The following HSD11B1L variants were observed in gnomAD, a reference collection of about 807,000 sequenced individuals.
HSD11B1L encodes the protein hydroxysteroid 11-beta dehydrogenase 1 like.
A neutral mutation model predicts 27.0 loss-of-function variants in HSD11B1L; 22 were observed. The observed-to-expected ratio is 0.81, with a 90% CI of 0.58 to 1.16. The LOEUF (loss-of-function observed/expected upper bound fraction) is 1.16, where lower values mean the gene tolerates loss of function less well. Ranked by LOEUF, HSD11B1L falls within the 50% of genes most tolerant of loss-of-function variation. HSD11B1L has a pLI of 0.00. For synonymous variants in HSD11B1L, 187 were observed against 189.2 expected (o/e 0.99, Z 0.09); for missense variants, 372 against 401.8 (o/e 0.93, Z 0.63).
chr19:5,687,349 C>T lies in HSD11B1L; in HGVS notation c.476C>T (p.Ser159Phe). The T allele has an allele frequency of 6.2e-7, 1 of 1,612,734 alleles. No individual in the cohort carries two copies. The highest frequency in any genetic ancestry group is 8.5e-7 in the Non-Finnish European group (1 of 1,179,752). Residue 159 changes from serine (S) to phenylalanine (F), a missense_variant, in exon 6 of 8, where the codon TCC becomes TTC. Coordinates refer to ENST00000339423, the MANE Select transcript of HSD11B1L (RefSeq NM_198706.3). This position sits in a 1 kb window ranked among gnomAD's most constrained non-coding sequence, Gnocchi z 6.6. The part of the protein sequence containing the change: ...ALPSLTDSKG[S>F]LVVVSSLLGR... The stretch of plus-strand genomic sequence containing the variant: ...CCCAGCCTGACGGACAGCAAGGGCT[C>T]CCTGGTGGTGGTGTCCTCGCTGCTC...
At chr19:5,684,764 G>A (rs35832694) in intron 1 of HSD11B1L, 55 bp from the exon 2 acceptor site, 505,799 of 1,608,934 alleles carry the variant, frequency 0.31, 82,301 homozygotes, top group Non-Finnish European at 0.34. Flanking sequence ...CACCAAACAC[G>A]GGTGGCTGTG....
chr19:5,688,501 T>G lies in HSD11B1L; in HGVS notation c.*556T>G. ...CTGGACCCAGCCTCTTGTTCGAGAA[T>G]AAAAACTCTTCTTCTCTTGCATATC... is the stretch of plus-strand genomic sequence containing the variant. On this transcript the variant is annotated 3_prime_UTR_variant, in exon 8 of 8. Transcript: ENST00000339423. The G allele has an allele frequency of 3.1e-6, 1 of 323,744 alleles. No individual in the cohort carries two copies. Among genetic ancestry groups the G allele is most frequent in the Non-Finnish European group, 5.7e-6 (1 of 176,224 alleles). 20.1% of individuals were successfully genotyped at this position (323,744 alleles called of 1,614,324 possible). A position where few individuals can be genotyped will look rare whatever the true frequency, so the allele number is the denominator to read the frequency against.
At chr19:5,684,605 G>A (rs994274309) in intron 1 of HSD11B1L, among the ~76,000 whole-genome samples, 5 of 152,182 alleles carry the variant, frequency 3.3e-5, no homozygotes, top group Non-Finnish European at 1.5e-5. Context: ...CAGATGGAGA[G>A]GGCTGAGAAG....
rs1020830291 is a variant in HSD11B1L at position 5,686,409 on chromosome 19, C to A, written c.205-7C>A. 1 of 1,556,864 alleles carries A rather than the reference C, an allele frequency of 6.4e-7. No homozygotes were observed. The highest frequency in any genetic ancestry group is 2.3e-5 in the East Asian group (1 of 42,694). Reference sequence around the variant, plus strand: ...AGAGGCCCACGGGCAGCTCTGGCCCCCCCCAGGTGGTAGGGAACTGCCGGA... The same window carrying A: ...AGAGGCCCACGGGCAGCTCTGGCCCACCCCAGGTGGTAGGGAACTGCCGGA... On this transcript the variant is annotated splice_polypyrimidine_tract_variant and splice_region_variant and intron_variant, in intron 3 of 7. Coordinates refer to ENST00000339423, the MANE Select transcript of HSD11B1L (RefSeq NM_198706.3).
intron 1 of HSD11B1L, among the ~76,000 whole-genome samples, chr19:5,683,350 C>A (rs1258312305): frequency 5.3e-5 from 8 of 152,126 alleles, no homozygotes; most frequent in Non-Finnish European, 1.2e-4. Flanking sequence ...CCAACCCAGC[C>A]CCATGTGTCA....
At chr19:5,684,798 C>G in intron 1 of HSD11B1L, 21 bp from the exon 2 acceptor site, 1 of 1,613,320 alleles carries the variant, frequency 6.2e-7, no homozygotes, top group South Asian at 1.1e-5. Flanking sequence ...CCGGCCACCT[C>G]TGTCCCCTGT....
Position 5,686,421 on chromosome 19 carries a change from A to G in HSD11B1L, c.210A>G (p.Val70=), listed in dbSNP as rs781519298. The G allele has an allele frequency of 6.4e-7, 1 of 1,569,328 alleles. No individual in the cohort carries two copies. Among genetic ancestry groups the G allele is most frequent in the Non-Finnish European group, 8.6e-7 (1 of 1,157,968 alleles). The part of the protein sequence containing the change: ...AHTEALLQKV[V]GNCRKLGAPK... ...GCAGCTCTGGCCCCCCCCAGGTGGTAGGGAACTGCCGGAAGCTGGGCGCCC... is the reference window on the plus strand; with the variant it reads ...GCAGCTCTGGCCCCCCCCAGGTGGTGGGGAACTGCCGGAAGCTGGGCGCCC... The change falls in exon 4 of 8, where the codon GTA becomes GTG. Residue 70 remains valine, a synonymous_variant. Coordinates refer to ENST00000339423, the MANE Select transcript of HSD11B1L (RefSeq NM_198706.3).
At chr19:5,682,180 A>G (rs1210716747) in intron 1 of HSD11B1L, among the ~76,000 whole-genome samples, 1 of 152,182 alleles carries the variant, frequency 6.6e-6, no homozygotes. Context: ...GGTTTCCATC[A>G]GTTGCAGTGG....
Position 5,688,193 on chromosome 19 carries a change from TGATGACG to T in HSD11B1L, c.*249_*255del. 1 of 1,546,846 alleles carries T rather than the reference TGATGACG, an allele frequency of 6.5e-7. No individual in the cohort carries two copies. Among genetic ancestry groups the T allele is most frequent in the Non-Finnish European group, 8.7e-7 (1 of 1,145,554 alleles). ...AAGGCCTCACCTGTTTGGCCATGAT[TGATGACG>T]TGACTGCTTCCATTTTGCAGATGAG... On this transcript the variant is annotated 3_prime_UTR_variant, in exon 8 of 8. Transcript: ENST00000339423.
rs752901141 is a variant in HSD11B1L, at chr19:5,686,411, C to A, written c.205-5C>A. ...AGGCCCACGGGCAGCTCTGGCCCCC[C>A]CCAGGTGGTAGGGAACTGCCGGAAG... On this transcript the variant is annotated splice_polypyrimidine_tract_variant and splice_region_variant and intron_variant, in intron 3 of 7. Transcript: ENST00000339423. 1.7e-5 allele frequency: 27 copies of A among 1,557,654 alleles called. No individual in the cohort carries two copies. Among genetic ancestry groups the A allele is most frequent in the Non-Finnish European group, 2.3e-5 (26 of 1,150,342 alleles).
chr19:5,683,905 A>T (rs753690514), intron 1 of HSD11B1L: 55 of 290,628 alleles, frequency 1.9e-4, no homozygotes, highest in Non-Finnish European at 2.9e-4. Flanking sequence ...AAAATAAAAA[A>T]AAATAAAAAT....
intron 3 of HSD11B1L, 51 bp from the exon 4 acceptor site, chr19:5,686,365 G>T: frequency 1.6e-6 from 2 of 1,274,758 alleles, no homozygotes; most frequent in Non-Finnish European, 2.2e-6. Context: ...CGGTGGAGGG[G>T]GAAGCGCTGC....
In HSD11B1L at chr19:5,687,929, C is replaced by G; in HGVS notation, c.845C>G (p.Thr282Arg). The change falls in exon 8 of 8, where the codon ACG (threonine) becomes AGG (arginine). Residue 282 changes from threonine to arginine, a missense_variant. By Grantham distance (71) the Thr-to-Arg change is moderately conservative. Coordinates refer to ENST00000339423, the MANE Select transcript of HSD11B1L (RefSeq NM_198706.3). This position sits in a 1 kb window ranked among gnomAD's most constrained non-coding sequence, Gnocchi z 6.6. ...TTTATCCGCCAGGAGCTCAACGTCA[C>G]GGCCGCGGCAGCCTGAGCACCGGGG... ...AWFIRQELNV[T>R]AAAA The G allele has an allele frequency of 2.6e-6, 4 of 1,564,068 alleles. No individual in the cohort carries two copies. Among genetic ancestry groups the G allele is most frequent in the Non-Finnish European group, 2.6e-6 (3 of 1,153,800 alleles).
intron 1 of HSD11B1L, among the ~76,000 whole-genome samples, chr19:5,682,105 G>A (rs1221308771): frequency 6.6e-6 from 1 of 152,240 alleles, no homozygotes; most frequent in Non-Finnish European, 1.5e-5. Flanking sequence ...GGCCGTGGGA[G>A]AGAAGGATAG....
rs190513926 is a variant in HSD11B1L, at chr19:5,686,681, C to T, written c.316+154C>T. 1.4e-3 allele frequency among the ~76,000 whole-genome samples: 218 copies of T among 152,200 alleles called. 1 individual carries two copies. The highest frequency in any genetic ancestry group is 5.1e-3 in the African/African-American group (211 of 41,530). On this transcript the variant is annotated intron_variant, in intron 4 of 7. Coordinates refer to ENST00000339423, the MANE Select transcript of HSD11B1L (RefSeq NM_198706.3). ...GCGTGGGCGGGGTGGAGTCTCATTGCGTCTGGGGGAAGAGCTCTGAACGGG... is the reference window on the plus strand; with the variant it reads ...GCGTGGGCGGGGTGGAGTCTCATTGTGTCTGGGGGAAGAGCTCTGAACGGG...
At position 5,687,232 on chromosome 19, in the gene HSD11B1L, C is replaced by CCT. The variant is rs776560475; in HGVS notation, c.409-49_409-48dup. On this transcript the variant is annotated intron_variant, in intron 5 of 7. Coordinates refer to ENST00000339423, the MANE Select transcript of HSD11B1L (RefSeq NM_198706.3). The surrounding 1 kb of genome is among the most constrained non-coding windows in gnomAD (Gnocchi z 6.6). ...CCGCCCTCTGGGTTTCTGGCCCCGC[C>CCT]CTGCCCCTGGGCTCCGCCTCTGCCG... 12 of 1,590,974 alleles carry CCT rather than the reference C, an allele frequency of 7.5e-6. No individual in the cohort carries two copies. In the African/African-American group the frequency reaches 1.6e-4, roughly 21 times the overall value.
rs1233731241 is a variant in HSD11B1L, at chr19:5,687,793, G to A, written c.709G>A (p.Ala237Thr). The change falls in exon 8 of 8, where the codon GCC (alanine) becomes ACC (threonine). Residue 237 changes from alanine to threonine, a missense_variant. Transcript: ENST00000339423. This position sits in a 1 kb window ranked among gnomAD's most constrained non-coding sequence, Gnocchi z 6.6. ...RVKAAPGPKA[A>T]LAVIRGGATR... ...CAAGGCGGCCCCGGGGCCCAAGGCA[G>A]CCCTGGCCGTGATCCGCGGCGGCGC... The A allele has an allele frequency of 6.0e-6, 9 of 1,508,644 alleles. No individual in the cohort carries two copies. Among genetic ancestry groups the A allele is most frequent in the Non-Finnish European group, 7.1e-6 (8 of 1,133,602 alleles). 93.5% of individuals were successfully genotyped at this position (1,508,644 alleles called of 1,614,324 possible).
intron 1 of HSD11B1L, among the ~76,000 whole-genome samples, chr19:5,682,922 A>C (rs2145540547): frequency 6.7e-6 from 1 of 150,230 alleles, no homozygotes; most frequent in Non-Finnish European, 1.5e-5. Flanking sequence ...GGGTTCAAGC[A>C]ATTCTCCTGC....
chr19:5,687,598 G>A lies in HSD11B1L; in HGVS notation c.598G>A (p.Asp200Asn), dbSNP rs772044493. The A allele has an allele frequency of 2.8e-5, 45 of 1,598,420 alleles. No homozygotes were observed. Among genetic ancestry groups the A allele is most frequent in the Non-Finnish European group, 3.6e-5 (43 of 1,178,690 alleles). ...GSLRRELDVQ[D>N]VNVAITMCVL... ...CCTGCGGCGGGAGCTGGACGTGCAG[G>A]ACGTGAACGTGGCCATCACCATGTG... Residue 200 changes from aspartate to asparagine, a missense_variant, in exon 7 of 8, where the codon GAC becomes AAC. By Grantham distance (23) the Asp-to-Asn change is conservative (BLOSUM62 1). Transcript: ENST00000339423. This position sits in a 1 kb window ranked among gnomAD's most constrained non-coding sequence, Gnocchi z 6.6.
Sources: allele counts gnomAD v4.1 joint callset (sites outside exome capture counted in the v4.1 genomes callset), GRCh38; gene constraint gnomAD v4.1.1; non-coding constraint Gnocchi (gnomAD v3.1); transcripts MANE v1.5; gene names NCBI Gene and HGNC (gene_info 2026-07-23, HGNC 2026-07-21).